Variants in DMC1 observed in about 807,000 individuals in gnomAD.
DMC1 encodes DNA meiotic recombinase 1, also known as meiotic recombination protein DMC1 homolog.
A neutral mutation model predicts 50.1 loss-of-function variants in DMC1; 27 were observed. That is an observed-to-expected ratio of 0.54 (90% CI 0.40 to 0.74). The LOEUF (loss-of-function observed/expected upper bound fraction) is 0.74. DMC1 is among the 30% of genes least tolerant of loss of function. The pLI is 0.00. For synonymous variants in DMC1, 148 were observed against 136.1 expected (o/e 1.09, Z -0.61); for missense variants, 295 against 420.2 (o/e 0.70, Z 2.60).
chr22:38,537,542 C>G, intron 12 of DMC1, 50 bp downstream of exon 12: 17 of 1,526,014 alleles, frequency 1.1e-5, no homozygotes, highest in Non-Finnish European at 1.5e-5. Flanking sequence ...ACGCTCTAAC[C>G]CTCTTTATAT....
downstream of DMC1, among the ~76,000 whole-genome samples, chr22:38,518,764 C>T (rs1034654654): frequency 6.6e-6 from 1 of 152,078 alleles, no homozygotes; most frequent in Admixed American, 6.6e-5. Context: ...AACTCCTGGG[C>T]TCAAGCAATT....
chr22:38,564,255 G>A (rs1569171618), intron 4 of DMC1, among the ~76,000 whole-genome samples: 2 of 152,180 alleles, frequency 1.3e-5, no homozygotes, highest in Non-Finnish European at 2.9e-5. Context: ...AGGATCACTT[G>A]AACCCAGGAG....
chr22:38,520,211 A>C (rs1046651206), intron 13 of DMC1, 122 bp from the exon 14 acceptor site: 7 of 829,982 alleles, frequency 8.4e-6, no homozygotes, highest in East Asian at 2.7e-5. Flanking sequence ...GAGTTGGTAC[A>C]ACCAAATGTG....
intron 13 of DMC1, 73 bp downstream of exon 13, chr22:38,521,533 GTC>G: frequency 1.1e-6 from 1 of 902,884 alleles, no homozygotes; most frequent in Non-Finnish European, 1.6e-6. Context: ...GCAAAACCCC[GTC>G]TCTACACACA....
At chr22:38,510,174 C>A in the DMC1 span, among the ~76,000 whole-genome samples, 1 of 151,814 alleles carries the variant, frequency 6.6e-6, no homozygotes, top group African/African-American at 2.4e-5. Flanking sequence ...TATTTACAGG[C>A]TGGGCACAGT....
chr22:38,513,144 G>A, the DMC1 span, among the ~76,000 whole-genome samples: 1 of 151,938 alleles, frequency 6.6e-6, no homozygotes, highest in East Asian at 1.9e-4. Flanking sequence ...GAAACAGCCT[G>A]GGCATGGATG....
downstream of DMC1, among the ~76,000 whole-genome samples, chr22:38,516,065 G>C (rs1171698005): frequency 6.6e-6 from 1 of 152,128 alleles, no homozygotes; most frequent in Non-Finnish European, 1.5e-5. Flanking sequence ...GAAAGCCATG[G>C]TCCTTTGCTC....
At chr22:38,518,319 G>A (rs1030817324), downstream of DMC1, among the ~76,000 whole-genome samples, 4 of 152,158 alleles carry the variant, frequency 2.6e-5, no homozygotes, top group African/African-American at 9.6e-5. Context: ...CACTGCTTAT[G>A]AATTAATTAT....
Position 38,537,696 on chromosome 22 carries a change from T to C in DMC1, c.776-44A>G, listed in dbSNP as rs2090230784. The C allele has an allele frequency of 2.8e-6, 4 of 1,453,176 alleles. No individual in the cohort carries two copies. The Admixed American group carries it at 6.7e-5, about 24-fold the overall frequency. 90.0% of individuals were successfully genotyped at this position (1,453,176 alleles called of 1,614,324 possible). ...TTTTAAAACTATGAGAAAGGCAATA[T>C]AGATATTTAAAAGTTCATTGTTTAG... On this transcript the variant is annotated intron_variant, in intron 11 of 13. Coordinates refer to ENST00000216024, the MANE Select transcript of DMC1 (RefSeq NM_007068.4).
chr22:38,528,328 T>C (rs2090117624), intron 12 of DMC1, among the ~76,000 whole-genome samples: 1 of 151,802 alleles, frequency 6.6e-6, no homozygotes. Flanking sequence ...CCTCCCAAAG[T>C]GTTGGGATTA....
chr22:38,509,836 T>TAA, the DMC1 span, among the ~76,000 whole-genome samples: 15 of 152,086 alleles, frequency 9.9e-5, no homozygotes, highest in African/African-American at 3.6e-4. Context: ...CGCTAATTTT[T>TAA]ATATTTTTTA....
intron 7 of DMC1, among the ~76,000 whole-genome samples, chr22:38,550,289 C>G (rs972358856): frequency 1.3e-5 from 2 of 150,652 alleles, no homozygotes; most frequent in Non-Finnish European, 3.0e-5. Context: ...TTAAATATTA[C>G]TAATTTTCTT....
intron 12 of DMC1, among the ~76,000 whole-genome samples, chr22:38,525,708 C>T (rs1030503952): frequency 6.6e-6 from 1 of 152,002 alleles, no homozygotes; most frequent in Admixed American, 6.6e-5. Context: ...TGGGAGGCTG[C>T]GGCAGGTAGA....
downstream of DMC1, among the ~76,000 whole-genome samples, chr22:38,518,716 G>A (rs1044961981): frequency 3.3e-5 from 5 of 151,980 alleles, no homozygotes; most frequent in Non-Finnish European, 7.4e-5. Context: ...TATTTTTGTA[G>A]AGACGGGGTT....
At chr22:38,549,058 C>G (rs1198699996) in intron 8 of DMC1, among the ~76,000 whole-genome samples, 5 of 152,096 alleles carry the variant, frequency 3.3e-5, no homozygotes, top group African/African-American at 1.2e-4. Context: ...TTTTCCTTTT[C>G]TTTTTATTCT....
In DMC1 at chr22:38,519,905, T is replaced by C. The variant is rs1710016654; in HGVS notation, c.*115A>G. On this transcript the variant is annotated 3_prime_UTR_variant, in exon 14 of 14. Coordinates refer to ENST00000216024, the MANE Select transcript of DMC1 (RefSeq NM_007068.4). ...AAGATTTAAATCTCTTTGCTGACTTTTCTTTAGTAACATGTGGGAAAAAAC... is the reference window on the plus strand; with the variant it reads ...AAGATTTAAATCTCTTTGCTGACTTCTCTTTAGTAACATGTGGGAAAAAAC... 1 of 813,792 alleles carries C rather than the reference T, an allele frequency of 1.2e-6. No homozygotes were observed. The highest frequency in any genetic ancestry group is 1.7e-5 in the African/African-American group (1 of 59,528). The allele number at this position is 813,792 out of a possible 1,614,324, so 50.4% of individuals were successfully genotyped here.
chr22:38,521,525 A>G, intron 13 of DMC1, 83 bp downstream of exon 13: 2 of 983,174 alleles, frequency 2.0e-6, no homozygotes, highest in Admixed American at 2.0e-5. Context: ...GCAACATGGC[A>G]AAACCCCGTC....
chr22:38,532,573 G>A (rs1444286017), intron 12 of DMC1, among the ~76,000 whole-genome samples: 1 of 151,434 alleles, frequency 6.6e-6, no homozygotes, highest in Non-Finnish European at 1.5e-5. Context: ...ACTGACCTTG[G>A]TCTCCCAAAG....
At chr22:38,515,732 A>T (rs2145742515), downstream of DMC1, among the ~76,000 whole-genome samples, 1 of 152,102 alleles carries the variant, frequency 6.6e-6, no homozygotes, top group African/African-American at 2.4e-5. Context: ...CTGGGAGTGG[A>T]GGTTGCAGTG....
Sources: gnomAD v4.1 joint callset for allele counts (sites outside exome capture counted in the v4.1 genomes callset) on GRCh38, gnomAD v4.1.1 for gene constraint, MANE v1.5 for transcripts, NCBI Gene and HGNC (gene_info 2026-07-23, HGNC 2026-07-21) for gene names.